The following DUSP18 variants were observed in gnomAD, a reference collection of about 807,000 sequenced individuals.
The protein encoded by DUSP18 is dual specificity protein phosphatase 18.
A neutral mutation model predicts 6.3 loss-of-function variants in DUSP18; 4 were observed. The observed-to-expected ratio is 0.63, with a 90% confidence interval of 0.31 to 1.45. The LOEUF is 1.45. DUSP18 is among the 40% of genes most tolerant of loss of function. The probability of loss-of-function intolerance (pLI) is 0.07; values close to 1 mark genes in which losing one functional copy is unlikely to be tolerated. For synonymous variants in DUSP18, 96 were observed against 95.1 expected (o/e 1.01, Z -0.05); for missense variants, 235 against 247.7 (o/e 0.95, Z 0.34).
At chr22:30,666,172 G>C (rs1322073442) in intron 1 of DUSP18, among the ~76,000 whole-genome samples, 1 of 152,254 alleles carries the variant, frequency 6.6e-6, no homozygotes, top group Middle Eastern at 3.4e-3. Flanking sequence ...AAAATCCATA[G>C]AGAAGTGAAC....
chr22:30,665,562 A>G (rs758058430), intron 1 of DUSP18: 12 of 470,828 alleles, frequency 2.5e-5, no homozygotes, highest in Non-Finnish European at 5.3e-5. Flanking sequence ...ACTTAAAGGT[A>G]ACTGTTTTAA....
downstream of DUSP18, among the ~76,000 whole-genome samples, chr22:30,659,056 G>A (rs572533754): frequency 2.0e-5 from 3 of 151,278 alleles, no homozygotes; most frequent in African/African-American, 7.3e-5. Context: ...CCTGGGAGGC[G>A]GAGTTTGCAG....
intron 2 of DUSP18, among the ~76,000 whole-genome samples, chr22:30,655,559 G>A (rs1333133682): frequency 6.6e-6 from 1 of 150,778 alleles, no homozygotes; most frequent in African/African-American, 2.4e-5. Context: ...CCAAGGGCAC[G>A]TCTAGCATGT....
chr22:30,663,911 A>C lies in DUSP18; in HGVS notation c.93T>G (p.Asn31Lys). ...SQITKSLYIS[N>K]GVAANNKLML... The stretch of plus-strand genomic sequence containing the variant: ...TGAGCTTGTTGTTGGCGGCCACACC[A>C]TTGCTGATATACAGGCTTTTGGTTA... The change falls in exon 2 of 2, where the codon AAT becomes AAG. Residue 31 changes from asparagine (N) to lysine (K), a missense_variant. Physicochemically the swap from Asn to Lys is moderately conservative, Grantham distance 94. Coordinates refer to ENST00000334679, the MANE Select transcript of DUSP18 (RefSeq NM_152511.5). 1 of 1,614,204 alleles carries C rather than the reference A, an allele frequency of 6.2e-7. No homozygotes were observed. The highest frequency in any genetic ancestry group is 8.5e-7 in the Non-Finnish European group (1 of 1,180,036).
Position 30,661,967 on chromosome 22 carries a change from G to A in DUSP18, c.*1470C>T, listed in dbSNP as rs1353649002. 1 of 151,822 alleles carries A rather than the reference G, an allele frequency of 6.6e-6. No individual in the cohort carries two copies. Among genetic ancestry groups the A allele is most frequent in the Non-Finnish European group, 1.5e-5 (1 of 68,016 alleles). The allele number at this position is 151,822 out of a possible 1,614,324, so 9.4% of individuals were successfully genotyped here. ...GATTGCACCTAGATTAAACAAGACG[G>A]AAGCTCTCAAAAGGCTCTAAGTCTA... is the stretch of plus-strand genomic sequence containing the variant. On this transcript the variant is annotated 3_prime_UTR_variant, in exon 2 of 2. Transcript: ENST00000334679.
At chr22:30,656,902 C>T (rs1017600273), downstream of DUSP18, among the ~76,000 whole-genome samples, 8 of 151,958 alleles carry the variant, frequency 5.3e-5, no homozygotes, top group African/African-American at 1.9e-4. Context: ...ATCACTTGAG[C>T]CCAGGAGTTC....
chr22:30,662,716 C>G lies in DUSP18; in HGVS notation c.*721G>C, dbSNP rs2088513458. The G allele has an allele frequency of 6.6e-6, 1 of 151,978 alleles. No homozygotes were observed. Among genetic ancestry groups the G allele is most frequent in the South Asian group, 2.1e-4 (1 of 4,822 alleles). 9.4% of individuals were successfully genotyped at this position (151,978 alleles called of 1,614,324 possible). ...TGGTGGCAAACATCTGTAGTCCCAG[C>G]CACGCAGGAGGCTAAGGTAAGAGGA... On this transcript the variant is annotated 3_prime_UTR_variant, in exon 2 of 2. Coordinates refer to ENST00000334679, the MANE Select transcript of DUSP18 (RefSeq NM_152511.5).
At chr22:30,658,036 G>A (rs2088380327), downstream of DUSP18, among the ~76,000 whole-genome samples, 1 of 151,764 alleles carries the variant, frequency 6.6e-6, no homozygotes, top group African/African-American at 2.4e-5. Context: ...GAGGCTGGGA[G>A]TTTGAGGCTG....
At chr22:30,657,510 G>A (rs2088364738), downstream of DUSP18, among the ~76,000 whole-genome samples, 1 of 151,100 alleles carries the variant, frequency 6.6e-6, no homozygotes, top group Non-Finnish European at 1.5e-5. Flanking sequence ...TATAATCCCA[G>A]CACTTTGGGA....
downstream of DUSP18, among the ~76,000 whole-genome samples, chr22:30,657,630 C>T (rs946614064): frequency 6.6e-5 from 10 of 151,498 alleles, no homozygotes; most frequent in Non-Finnish European, 8.8e-5. Context: ...ATAGGCCAGG[C>T]GCGGTGGCTC....
At chr22:30,657,721 G>C (rs1023230204), downstream of DUSP18, among the ~76,000 whole-genome samples, 1 of 150,940 alleles carries the variant, frequency 6.6e-6, no homozygotes, top group Non-Finnish European at 1.5e-5. Flanking sequence ...TGGCTAACAC[G>C]GTGAAACCCC....
In DUSP18 at chr22:30,665,821, G is replaced by C. The variant is rs5997730; in HGVS notation, c.-78+1641C>G. ...GCTGTGTCCCCACAAGTAGGTGCTT[G>C]ATAAATATTTGTTGAATGAAGAAAT... is the stretch of plus-strand genomic sequence containing the variant. On this transcript the variant is annotated intron_variant, in intron 1 of 1. Transcript: ENST00000334679. 9.2e-3 allele frequency among the ~76,000 whole-genome samples: 1,399 copies of C among 152,098 alleles called. 16 individuals are homozygous for C. The highest frequency in any genetic ancestry group is 0.032 in the African/African-American group (1,341 of 41,484).
chr22:30,663,670 C>A lies in DUSP18; in HGVS notation c.334G>T (p.Ala112Ser). The A allele has an allele frequency of 4.3e-6, 7 of 1,614,220 alleles. No homozygotes were observed. Among genetic ancestry groups the A allele is most frequent in the Non-Finnish European group, 5.9e-6 (7 of 1,180,032 alleles). The change falls in exon 2 of 2, where the codon GCT (alanine) becomes TCT (serine). Residue 112 changes from alanine (A) to serine (S), a missense_variant. By Grantham distance (99) the Ala-to-Ser change is moderately conservative. Transcript: ENST00000334679. ...LHCAAGVSRSAALCLAYLMKY... is the reference protein window; with the variant it reads ...LHCAAGVSRSSALCLAYLMKY... ...ATGAGGTAGGCGAGGCACAGGGCAG[C>A]TGAGCGGCTCACACCAGCAGCACAG...
At chr22:30,656,357 G>C (rs2088338389) in intron 2 of DUSP18, among the ~76,000 whole-genome samples, 1 of 152,130 alleles carries the variant, frequency 6.6e-6, no homozygotes, top group Admixed American at 6.6e-5. Flanking sequence ...CTGCCCCTGG[G>C]ATTTGTAATT....
rs3067260 is a variant in DUSP18 at position 30,662,051 on chromosome 22, T to TTTA, written c.*1385_*1386insTAA. ...AACCATTTTTTTTTTTTTTTTTTTT[T>TTTA]ACACACAGGGTAACTTTTTGGAAGA... On this transcript the variant is annotated 3_prime_UTR_variant, in exon 2 of 2. Coordinates refer to ENST00000334679, the MANE Select transcript of DUSP18 (RefSeq NM_152511.5). 1 of 149,948 alleles carries TTTA rather than the reference T, an allele frequency of 6.7e-6. No homozygotes were observed. Among genetic ancestry groups the TTTA allele is most frequent in the Non-Finnish European group, 1.5e-5 (1 of 67,446 alleles). 9.3% of individuals were successfully genotyped at this position (149,948 alleles called of 1,614,324 possible).
At chr22:30,657,937 AATAATAATAATAATAATG>A (rs1229148791), downstream of DUSP18, among the ~76,000 whole-genome samples, 7 of 146,358 alleles carry the variant, frequency 4.8e-5, no homozygotes, top group Admixed American at 4.8e-4. Flanking sequence ...TAATAATAAT[AATAATAATAATAATAATG>A]ATTAGCTGGA....
downstream of DUSP18, among the ~76,000 whole-genome samples, chr22:30,657,952 AATG>A (rs202224699): frequency 1.6e-3 from 215 of 130,838 alleles, 2 homozygotes; most frequent in Middle Eastern, 3.9e-3. Flanking sequence ...TAATAATAAT[AATG>A]ATTAGCTGGA....
At chr22:30,665,570 T>C in intron 1 of DUSP18, 1 of 470,772 alleles carries the variant, frequency 2.1e-6, no homozygotes, top group South Asian at 1.6e-5. Flanking sequence ...GTAACTGTTT[T>C]AAGGGAAATC....
chr22:30,663,293 A>T lies in DUSP18; in HGVS notation c.*144T>A. ...AAAATGGATTATAAAGTTAAAAGCTACAGCAACTCTTTTTTGTGCTCATAA... is the reference window on the plus strand; with the variant it reads ...AAAATGGATTATAAAGTTAAAAGCTTCAGCAACTCTTTTTTGTGCTCATAA... On this transcript the variant is annotated 3_prime_UTR_variant, in exon 2 of 2. Transcript: ENST00000334679. The T allele has an allele frequency of 1.3e-6, 1 of 790,646 alleles. No homozygotes were observed. The highest frequency in any genetic ancestry group is 2.0e-6 in the Non-Finnish European group (1 of 507,418). The allele number at this position is 790,646 out of a possible 1,614,324, so 49.0% of individuals were successfully genotyped here.
Sources: gnomAD v4.1 joint callset for allele counts (sites outside exome capture counted in the v4.1 genomes callset) on GRCh38, gnomAD v4.1.1 for gene constraint, MANE v1.5 for transcripts, NCBI Gene and HGNC (gene_info 2026-07-23, HGNC 2026-07-21) for gene names.